The following TEX52 variants were observed in gnomAD, a reference collection of about 807,000 sequenced individuals.
The protein encoded by TEX52 is testis-expressed protein 52.
In TEX52, 22 loss-of-function variants were observed where a neutral mutation model predicts 17.6. That is an observed-to-expected ratio of 1.25 (90% CI 0.89 to 1.78). The LOEUF is 1.78. Among genes scored for constraint, TEX52 ranks in the 40% most tolerant of loss-of-function variants. The pLI is 0.00. For missense variants in TEX52, 396 were observed against 372.3 expected (o/e 1.06, Z -0.52); for synonymous variants, 168 against 147.4 (o/e 1.14, Z -1.01).
Position 2,851,503 on chromosome 12 carries a change from C to T in TEX52, c.624-1978G>A, listed in dbSNP as rs185358142. On this transcript the variant is annotated intron_variant, in intron 2 of 2. Transcript: ENST00000637658. The stretch of plus-strand genomic sequence containing the variant: ...GATTACAGGGCCCCGCCACCATGCC[C>T]GGCTAGTTTTTGTATTTTTAGTGGA... 2.3e-3 allele frequency among the ~76,000 whole-genome samples: 343 copies of T among 150,136 alleles called. 2 individuals carry two copies. The highest frequency in any genetic ancestry group is 7.8e-3 in the African/African-American group (318 of 40,876).
At chr12:2,855,518 C>T (rs11062386) in intron 1 of TEX52, 72 bp from the exon 2 acceptor site, 253,049 of 1,207,256 alleles carry the variant, frequency 0.21, 28,471 homozygotes, top group East Asian at 0.41. Flanking sequence ...TGAGGCACTC[C>T]GCTCTCCTTC....
Position 2,855,336 on chromosome 12 carries a change from G to C in TEX52, c.183C>G (p.His61Gln), listed in dbSNP as rs760686425. 3.9e-6 allele frequency: 6 copies of C among 1,532,142 alleles called. No individual in the cohort carries two copies. In the East Asian group the frequency reaches 1.5e-4, roughly 38 times the overall value. The allele number at this position is 1,532,142 out of a possible 1,614,324, so 94.9% of individuals were successfully genotyped here. Reference protein sequence around the residue: ...EFPGFTRQAYHQLALKLPPCT... With the variant: ...EFPGFTRQAYQQLALKLPPCT... The stretch of plus-strand genomic sequence containing the variant: ...AGGGCGGCAGCTTCAGAGCCAGCTG[G>C]TGGTAGGCTTGCCGGGTGAAGCCAG... The change falls in exon 2 of 3, where the codon CAC becomes CAG. Residue 61 changes from histidine (H) to glutamine (Q), a missense_variant. By Grantham distance (24) the His-to-Gln change is conservative (BLOSUM62 0). Transcript: ENST00000637658.
chr12:2,848,085 G>A (rs892265429), downstream of TEX52, among the ~76,000 whole-genome samples: 1 of 152,214 alleles, frequency 6.6e-6, no homozygotes, highest in African/African-American at 2.4e-5. Flanking sequence ...GAAAGCCAGA[G>A]GGAATAGTGA....
chr12:2,852,399 C>G (rs940615867), intron 2 of TEX52, among the ~76,000 whole-genome samples: 1 of 152,092 alleles, frequency 6.6e-6, no homozygotes, highest in African/African-American at 2.4e-5. Flanking sequence ...TAGGGTCTCA[C>G]CACGTTGCCC....
chr12:2,853,310 T>A (rs1603491554), intron 2 of TEX52, among the ~76,000 whole-genome samples: 1 of 152,004 alleles, frequency 6.6e-6, no homozygotes, highest in African/African-American at 2.4e-5. Context: ...AGTCTCGCTC[T>A]TGTCACCCAG....
intron 2 of TEX52, among the ~76,000 whole-genome samples, chr12:2,851,150 C>T (rs2098069664): frequency 6.7e-6 from 1 of 150,170 alleles, no homozygotes; most frequent in Non-Finnish European, 1.5e-5. Context: ...GCGACAAGAG[C>T]GAAACTCCAT....
intron 2 of TEX52, among the ~76,000 whole-genome samples, chr12:2,850,475 C>CAAAAAAAA (rs1275655927): frequency 1.4e-5 from 1 of 70,674 alleles, no homozygotes; most frequent in Non-Finnish European, 2.9e-5. Context: ...GACTCTGTCT[C>CAAAAAAAA]AAAAAAAAAA....
chr12:2,849,920 C>T (rs912914357), intron 2 of TEX52, among the ~76,000 whole-genome samples: 4 of 152,180 alleles, frequency 2.6e-5, no homozygotes, highest in South Asian at 2.1e-4. Flanking sequence ...AGTAAGCCTG[C>T]GGTATTGGGT....
chr12:2,849,227 C>G lies in TEX52; in HGVS notation c.*4G>C. ...TATCACGATCGTCCCCTCTGGAAGC[C>G]CTTCTAGAAGTGTCCAGGTCTTCTC... On this transcript the variant is annotated 3_prime_UTR_variant, in exon 3 of 3. Transcript: ENST00000637658. 1 of 1,532,582 alleles carries G rather than the reference C, an allele frequency of 6.5e-7. No individual in the cohort carries two copies. The highest frequency in any genetic ancestry group is 8.7e-7 in the Non-Finnish European group (1 of 1,145,772). 94.9% of individuals were successfully genotyped at this position (1,532,582 alleles called of 1,614,324 possible). A position where few individuals can be genotyped will look rare whatever the true frequency, so the allele number is the denominator to read the frequency against.
In TEX52 at chr12:2,851,044, G is replaced by C. The variant is rs374914121; in HGVS notation, c.624-1519C>G. Reference sequence around the variant, plus strand: ...TAGCCAGGCATGGTGGCACGTGCCTGTAATCCCAGCTACTTGGGAGGCTGA... The same window carrying C: ...TAGCCAGGCATGGTGGCACGTGCCTCTAATCCCAGCTACTTGGGAGGCTGA... On this transcript the variant is annotated intron_variant, in intron 2 of 2. Coordinates refer to ENST00000637658, the MANE Select transcript of TEX52 (RefSeq NM_001365174.2). 2.9e-4 allele frequency among the ~76,000 whole-genome samples: 39 copies of C among 132,580 alleles called. 1 individual carries two copies. Among genetic ancestry groups the C allele is most frequent in the East Asian group, 2.1e-3 (9 of 4,230 alleles). 87.0% of individuals were successfully genotyped at this position (132,580 alleles called of 152,430 possible). A position where few individuals can be genotyped will look rare whatever the true frequency, so the allele number is the denominator to read the frequency against.
intron 2 of TEX52, 51 bp from the exon 3 acceptor site, chr12:2,849,576 G>A (rs2098063622): frequency 6.5e-7 from 1 of 1,530,434 alleles, no homozygotes. Context: ...AAGAGATCCA[G>A]GGACAGTGGA....
At chr12:2,848,881 A>ACACG (rs1555092638), downstream of TEX52, among the ~76,000 whole-genome samples, 4 of 132,712 alleles carry the variant, frequency 3.0e-5, no homozygotes, top group Non-Finnish European at 3.4e-5. Context: ...ACACACGCAC[A>ACACG]CACACACACA....
At chr12:2,854,408 C>T (rs980155809) in intron 2 of TEX52, among the ~76,000 whole-genome samples, 2 of 152,212 alleles carry the variant, frequency 1.3e-5, no homozygotes, top group East Asian at 1.9e-4. Flanking sequence ...CCTGAGGCTC[C>T]CCCCTTCATC....
At chr12:2,853,740 G>T (rs1169848477) in intron 2 of TEX52, among the ~76,000 whole-genome samples, 1 of 151,836 alleles carries the variant, frequency 6.6e-6, no homozygotes, top group Non-Finnish European at 1.5e-5. Context: ...TCTTGCATGC[G>T]TAGTGCCTGG....
At chr12:2,847,981 T>C (rs2098058125), downstream of TEX52, among the ~76,000 whole-genome samples, 1 of 152,242 alleles carries the variant, frequency 6.6e-6, no homozygotes, top group Non-Finnish European at 1.5e-5. Context: ...GGGCCACCAG[T>C]GTGCTACACA....
intron 2 of TEX52, among the ~76,000 whole-genome samples, chr12:2,852,163 G>A (rs948969687): frequency 6.6e-5 from 10 of 152,096 alleles, no homozygotes; most frequent in Non-Finnish European, 1.3e-4. Flanking sequence ...TGCCTTCTCT[G>A]GGGACCTAAT....
intron 2 of TEX52, among the ~76,000 whole-genome samples, chr12:2,851,240 G>GGTGA (rs2098069934): frequency 6.6e-6 from 1 of 152,054 alleles, no homozygotes; most frequent in African/African-American, 2.4e-5. Flanking sequence ...AGTTGCTCTG[G>GGTGA]GTGAGTGAGT....
chr12:2,854,573 T>C (rs898885970), intron 2 of TEX52, among the ~76,000 whole-genome samples: 2 of 152,350 alleles, frequency 1.3e-5, no homozygotes, highest in South Asian at 4.1e-4. Context: ...CTGGGCCCTT[T>C]GCATGTGTAG....
chr12:2,850,179 A>G (rs1230570162), intron 2 of TEX52, among the ~76,000 whole-genome samples: 2 of 152,126 alleles, frequency 1.3e-5, no homozygotes, highest in Admixed American at 1.3e-4. Context: ...TCAGCATTTG[A>G]AAAAAGAGCC....
Sources: gnomAD v4.1 joint callset for allele counts (sites outside exome capture counted in the v4.1 genomes callset) on GRCh38, gnomAD v4.1.1 for gene constraint, MANE v1.5 for transcripts, NCBI Gene and HGNC (gene_info 2026-07-23, HGNC 2026-07-21) for gene names.